The following GLRA3 variants were observed in gnomAD, a reference collection of about 807,000 sequenced individuals.
GLRA3 encodes the protein glycine receptor subunit alpha-3.
Under a neutral mutation model 60.4 loss-of-function variants are expected in GLRA3, and 44 were observed. The ratio of observed to expected loss-of-function variants is 0.73; its 90% CI spans 0.57 to 0.94. The LOEUF is 0.94. Among genes scored for constraint, GLRA3 ranks in the 40% least tolerant of loss-of-function variants. The pLI is 0.00. For synonymous variants in GLRA3, 223 were observed against 192.9 expected (o/e 1.16, Z -1.29); for missense variants, 508 against 564.6 (o/e 0.90, Z 1.02).
rs767488195 is a variant in GLRA3 at position 174,656,792 on chromosome 4, G to A, written c.1072-5C>T. ...CTCCAGTGCAAAAGCTTCTGTCTGT[G>A]GGAAGGTAAAGTGGACCAAGAGGAA... On this transcript the variant is annotated splice_polypyrimidine_tract_variant and splice_region_variant and intron_variant, in intron 8 of 9. Transcript: ENST00000274093. The A allele has an allele frequency of 6.4e-7, 1 of 1,566,560 alleles. No homozygotes were observed.
At chr4:174,757,075 G>A (rs1160551031) in intron 3 of GLRA3, among the ~76,000 whole-genome samples, 1 of 152,208 alleles carries the variant, frequency 6.6e-6, no homozygotes, top group Non-Finnish European at 1.5e-5. Flanking sequence ...AATAAGGTAA[G>A]AGGGATTGGA....
Position 174,739,774 on chromosome 4 carries a change from C to T in GLRA3, c.268-11076G>A, listed in dbSNP as rs546135942. 1.1e-3 allele frequency among the ~76,000 whole-genome samples: 166 copies of T among 152,050 alleles called. 1 individual carries two copies. The South Asian group carries it at 0.016, about 15-fold the overall frequency. On this transcript the variant is annotated intron_variant, in intron 3 of 9. Coordinates refer to ENST00000274093, the MANE Select transcript of GLRA3 (RefSeq NM_006529.4). ...TGTAGCAAACATGGCTCATTTTTAC[C>T]GAAAAGGAAAGATGACTCAGAAGGC...
At chr4:174,701,134 C>T (rs1391332240) in intron 5 of GLRA3, among the ~76,000 whole-genome samples, 2 of 152,162 alleles carry the variant, frequency 1.3e-5, no homozygotes, top group East Asian at 1.9e-4. Context: ...AAGTCAATGC[C>T]TGGCTTCAAA....
intron 1 of GLRA3, among the ~76,000 whole-genome samples, chr4:174,820,751 G>C (rs1054894529): frequency 6.6e-6 from 1 of 152,122 alleles, no homozygotes; most frequent in Non-Finnish European, 1.5e-5. Flanking sequence ...TAAAGTATTA[G>C]ATGACCAATC....
At position 174,642,167 on chromosome 4, in the gene GLRA3, T is replaced by C; in HGVS notation, c.*1619A>G. The C allele has an allele frequency of 2.4e-6, 2 of 848,774 alleles. No homozygotes were observed. Among genetic ancestry groups the C allele is most frequent in the Non-Finnish European group, 2.8e-6 (2 of 705,162 alleles). The allele number at this position is 848,774 out of a possible 1,614,324, so 52.6% of individuals were successfully genotyped here. On this transcript the variant is annotated 3_prime_UTR_variant, in exon 10 of 10. Coordinates refer to ENST00000274093, the MANE Select transcript of GLRA3 (RefSeq NM_006529.4). ...TAACATTTACTATTTTTTAAAATGTTATTTTAAAAAATTACAATTGTATAA... is the reference window on the plus strand; with the variant it reads ...TAACATTTACTATTTTTTAAAATGTCATTTTAAAAAATTACAATTGTATAA...
intron 3 of GLRA3, among the ~76,000 whole-genome samples, chr4:174,744,508 G>C (rs1238479572): frequency 6.6e-6 from 1 of 152,196 alleles, no homozygotes; most frequent in Admixed American, 6.5e-5. Context: ...ACTAGTTCCT[G>C]TACCCTAAAC....
intron 1 of GLRA3, among the ~76,000 whole-genome samples, chr4:174,807,872 G>GA (rs2111359725): frequency 6.6e-6 from 1 of 152,144 alleles, no homozygotes; most frequent in Non-Finnish European, 1.5e-5. Context: ...TGCTCTCCTG[G>GA]AAAAATCTTT....
chr4:174,728,731 A>G (rs1561081428), intron 3 of GLRA3, 33 bp from the exon 4 acceptor site: 11 of 1,367,996 alleles, frequency 8.0e-6, no homozygotes, highest in Non-Finnish European at 9.2e-6. Context: ...AGAAAAAAAA[A>G]AACCCTGCTT....
intron 9 of GLRA3, among the ~76,000 whole-genome samples, chr4:174,651,727 C>T (rs968474036): frequency 1.3e-5 from 2 of 152,124 alleles, no homozygotes; most frequent in African/African-American, 4.8e-5. Context: ...TCCTCACTGT[C>T]TTATTATTAC....
chr4:174,737,290 A>T (rs938457262), intron 3 of GLRA3, among the ~76,000 whole-genome samples: 3 of 152,182 alleles, frequency 2.0e-5, no homozygotes, highest in African/African-American at 7.2e-5. Flanking sequence ...TCATCTATTT[A>T]AAGGTTCACA....
chr4:174,790,996 T>C (rs994521186), intron 1 of GLRA3, among the ~76,000 whole-genome samples: 1 of 125,840 alleles, frequency 7.9e-6, no homozygotes, highest in Non-Finnish European at 1.6e-5. Context: ...ACAGCGAGAC[T>C]CCATCTCAAA....
chr4:174,760,437 CAAGT>C (rs151179455), intron 3 of GLRA3, among the ~76,000 whole-genome samples: 12,044 of 152,094 alleles, frequency 0.079, 829 homozygotes, highest in East Asian at 0.38. Flanking sequence ...TAGTAATTTC[CAAGT>C]AATTACCAAG....
intron 4 of GLRA3, among the ~76,000 whole-genome samples, chr4:174,718,236 T>C (rs1561075018): frequency 6.6e-6 from 1 of 152,182 alleles, no homozygotes; most frequent in Non-Finnish European, 1.5e-5. Flanking sequence ...AATTTCTTTG[T>C]CAAAACACTA....
chr4:174,796,256 C>G (rs1213291509), intron 1 of GLRA3, among the ~76,000 whole-genome samples: 1 of 152,138 alleles, frequency 6.6e-6, no homozygotes, highest in African/African-American at 2.4e-5. Flanking sequence ...CAAAACCAGA[C>G]AATTTGCTGG....
chr4:174,662,710 C>T (rs1296775837), intron 7 of GLRA3, among the ~76,000 whole-genome samples: 1 of 151,986 alleles, frequency 6.6e-6, no homozygotes, highest in Non-Finnish European at 1.5e-5. Context: ...TCTTTCCCAG[C>T]AGGTTCTTCA....
chr4:174,733,524 C>G (rs912641786), intron 3 of GLRA3, among the ~76,000 whole-genome samples: 3 of 152,148 alleles, frequency 2.0e-5, no homozygotes, highest in Admixed American at 6.5e-5. Flanking sequence ...AACCTTCCCC[C>G]CTCTATCAGC....
intron 4 of GLRA3, among the ~76,000 whole-genome samples, chr4:174,726,108 G>A (rs1579511535): frequency 6.6e-6 from 1 of 152,196 alleles, no homozygotes; most frequent in Non-Finnish European, 1.5e-5. Flanking sequence ...ACTATGGTGA[G>A]AGTGGCCTCA....
intron 3 of GLRA3, among the ~76,000 whole-genome samples, chr4:174,753,256 G>A (rs1453327394): frequency 2.0e-5 from 3 of 152,094 alleles, no homozygotes; most frequent in African/African-American, 7.2e-5. Context: ...GTTGTTTTGT[G>A]GGTAACCTGG....
chr4:174,669,383 G>A (rs140878113), intron 7 of GLRA3, among the ~76,000 whole-genome samples: 10 of 152,018 alleles, frequency 6.6e-5, no homozygotes, highest in East Asian at 1.9e-4. Flanking sequence ...CTACTTTCTC[G>A]GAGCATGAAT....
Sources: allele counts gnomAD v4.1 joint callset (sites outside exome capture counted in the v4.1 genomes callset), GRCh38; gene constraint gnomAD v4.1.1; transcripts MANE v1.5; gene names NCBI Gene and HGNC (gene_info 2026-07-23, HGNC 2026-07-21).